Variants in ALPK3 observed in about 807,000 individuals in gnomAD.
ALPK3 encodes alpha kinase 3.
A neutral mutation model predicts 140.0 loss-of-function variants in ALPK3; 102 were observed. The ratio of observed to expected loss-of-function variants is 0.73; its 90% CI spans 0.62 to 0.86. ALPK3 has a LOEUF of 0.86. Ranked by LOEUF, ALPK3 falls within the 40% of genes least tolerant of loss-of-function variation. The pLI, the probability that ALPK3 is intolerant of heterozygous loss-of-function variation, is 0.00. For synonymous variants in ALPK3, 938 were observed against 898.5 expected (o/e 1.04, Z -0.79); for missense variants, 2,254 against 2,208.2 (o/e 1.02, Z -0.42).
chr15:84,857,373 C>T lies in ALPK3; in HGVS notation c.2635C>T (p.Pro879Ser). The T allele has an allele frequency of 1.2e-6, 2 of 1,614,110 alleles. No individual in the cohort carries two copies. Among genetic ancestry groups the T allele is most frequent in the Non-Finnish European group, 1.7e-6 (2 of 1,180,030 alleles). Reference protein sequence around the residue: ...SLPGTGLTASPKAGPCSTPTS... With the variant: ...SLPGTGLTASSKAGPCSTPTS... ...TCCTGGAACTGGGCTGACAGCTAGC[C>T]CAAAGGCGGGGCCGTGTAGCACCCC... The change falls in exon 6 of 14, where the codon CCA (proline) becomes TCA (serine). Residue 879 changes from proline (P) to serine (S), a missense_variant. This residue lies in a region of ALPK3 where 2,088 missense variants were observed against 2,022.9 expected (regional missense o/e 1.03). Transcript: ENST00000258888.
Position 84,856,666 on chromosome 15 carries a change from C to G in ALPK3, c.1928C>G (p.Ala643Gly), listed in dbSNP as rs773203708. ...GCAGATAGGAAGACGCAGGTGGATGCTGGGACACAAGAAAGCAAGAGGCCA... is the reference window on the plus strand; with the variant it reads ...GCAGATAGGAAGACGCAGGTGGATGGTGGGACACAAGAAAGCAAGAGGCCA... ...TRADRKTQVD[A>G]GTQESKRPQS... The change falls in exon 6 of 14, where the codon GCT (alanine) becomes GGT (glycine). Residue 643 changes from alanine (A) to glycine (G), a missense_variant. Ala to Gly is a moderately conservative substitution (Grantham distance 60). Coordinates refer to ENST00000258888, the MANE Select transcript of ALPK3 (RefSeq NM_020778.5). 2.5e-6 allele frequency: 4 copies of G among 1,613,974 alleles called. No homozygotes were observed. The highest frequency in any genetic ancestry group is 2.5e-6 in the Non-Finnish European group (3 of 1,179,996).
rs781735180 is a variant in ALPK3, at chr15:84,858,155, AGAG to A, written c.3421_3423del (p.Glu1141del). 4 of 1,607,892 alleles carry A rather than the reference AGAG, an allele frequency of 2.5e-6. No individual in the cohort carries two copies. Among genetic ancestry groups the A allele is most frequent in the African/African-American group, 1.3e-5 (1 of 74,536 alleles). The stretch of plus-strand genomic sequence containing the variant: ...AGAGCATAGCCCAGGAGCCCTCCCA[AGAG>A]GAGAAGTTCCCAGGGGAGGCTCTGA... On this transcript the variant is annotated inframe_deletion, in exon 6 of 14. Coordinates refer to ENST00000258888, the MANE Select transcript of ALPK3 (RefSeq NM_020778.5).
At chr15:84,827,934 A>G (rs1171411130) in intron 3 of ALPK3, among the ~76,000 whole-genome samples, 1 of 152,208 alleles carries the variant, frequency 6.6e-6, no homozygotes, top group Non-Finnish European at 1.5e-5. Context: ...CTTTGAGGCC[A>G]TCTCCCTGAG....
intron 4 of ALPK3, 64 bp downstream of exon 4, chr15:84,839,161 C>A: frequency 2.9e-6 from 4 of 1,387,668 alleles, no homozygotes; most frequent in Non-Finnish European, 3.0e-6. Context: ...TGGGGTCCTG[C>A]CCTCAGAAAT....
chr15:84,860,531 A>G (rs1487161036), intron 9 of ALPK3, among the ~76,000 whole-genome samples: 1 of 152,238 alleles, frequency 6.6e-6, no homozygotes, highest in Non-Finnish European at 1.5e-5. Flanking sequence ...CCTGGTGATC[A>G]TGAAATACCT....
At position 84,862,670 on chromosome 15, in the gene ALPK3, G is replaced by A. The variant is rs765113565; in HGVS notation, c.4165G>A (p.Ala1389Thr). 8 of 1,614,010 alleles carry A rather than the reference G, an allele frequency of 5.0e-6. No individual in the cohort carries two copies. The African/African-American group carries it at 8.0e-5, about 16-fold the overall frequency. The change falls in exon 10 of 14, where the codon GCT (alanine) becomes ACT (threonine). Residue 1389 changes from alanine (A) to threonine (T), a missense_variant. By Grantham distance (58) the Ala-to-Thr change is moderately conservative. Coordinates refer to ENST00000258888, the MANE Select transcript of ALPK3 (RefSeq NM_020778.5). ...GATTGAGATGACCCCTATGGTGTTT[G>A]CTAAGGGTCTGGCTGACTCTGGCTG... ...EEIEMTPMVF[A>T]KGLADSGCWG...
Position 84,862,910 on chromosome 15 carries a change from AT to A in ALPK3, c.4406del (p.Ile1469ThrfsTer9), listed in dbSNP as rs1963965483. 1 of 1,613,198 alleles carries A rather than the reference AT, an allele frequency of 6.2e-7. No individual in the cohort carries two copies. Among genetic ancestry groups the A allele is most frequent in the Non-Finnish European group, 8.5e-7 (1 of 1,179,328 alleles). ...TGTGGGCAGAAACTACGACGTCACC[AT>A]CCAGGTACTATGTCCCATCTTCACA... ...SLVGRNYDVTIQGCKIQNMSR... is the reference protein window; with the variant it reads ...SLVGRNYDVTXQGCKIQNMSR... On this transcript the variant is annotated frameshift_variant, in exon 10 of 14. Transcript: ENST00000258888. LOFTEE classifies it high-confidence loss of function.
At chr15:84,859,687 G>A in intron 7 of ALPK3, 89 bp from the exon 8 acceptor site, 6 of 1,471,068 alleles carry the variant, frequency 4.1e-6, no homozygotes, top group Non-Finnish European at 5.4e-6. Flanking sequence ...GGGGTTCACA[G>A]CAGCCTCTGA....
At chr15:84,835,030 A>C (rs1316158525) in intron 3 of ALPK3, among the ~76,000 whole-genome samples, 1 of 152,220 alleles carries the variant, frequency 6.6e-6, no homozygotes, top group Non-Finnish European at 1.5e-5. Flanking sequence ...CTGAGGCCCC[A>C]GCCCTGGGGC....
Position 84,840,692 on chromosome 15 carries a change from C to A in ALPK3, c.1413C>A (p.Thr471=). 3 of 1,607,686 alleles carry A rather than the reference C, an allele frequency of 1.9e-6. No homozygotes were observed. Among genetic ancestry groups the A allele is most frequent in the Middle Eastern group, 1.7e-4 (1 of 6,010 alleles). The stretch of plus-strand genomic sequence containing the variant: ...CTGGCCAGCCCACACACTCCTTGAC[C>A]CCCCAGCCGACTAGGCCTTTCAACA... The part of the protein sequence containing the change: ...GAPGQPTHSL[T]PQPTRPFNRK... Residue 471 remains threonine (T), a synonymous_variant, in exon 5 of 14, where the codon ACC becomes ACA. Coordinates refer to ENST00000258888, the MANE Select transcript of ALPK3 (RefSeq NM_020778.5).
At chr15:84,862,608 T>TCCCACATTTCTCCTGTTCC in intron 9 of ALPK3, 27 bp from the exon 10 acceptor site, 1 of 1,575,406 alleles carries the variant, frequency 6.3e-7, no homozygotes, top group Non-Finnish European at 8.6e-7. Flanking sequence ...GCTCCTGGTC[T>TCCCACATTTCTCCTGTTCC]CCCACATTTC....
chr15:84,863,510 AG>A (rs759979663), intron 10 of ALPK3, 41 bp from the exon 11 acceptor site: 2 of 1,571,582 alleles, frequency 1.3e-6, no homozygotes, highest in African/African-American at 2.7e-5. Flanking sequence ...TGGAGGACTG[AG>A]GAATTTCTTT....
chr15:84,864,457 T>G lies in ALPK3; in HGVS notation c.4515T>G (p.Tyr1505Ter). 1 of 1,614,152 alleles carries G rather than the reference T, an allele frequency of 6.2e-7. No individual in the cohort carries two copies. Among genetic ancestry groups the G allele is most frequent in the Non-Finnish European group, 8.5e-7 (1 of 1,180,012 alleles). Residue 1505 changes from tyrosine to a stop codon, truncating the protein, a stop_gained, in exon 12 of 14, where the codon TAT (tyrosine) becomes TAG (stop). Coordinates refer to ENST00000258888, the MANE Select transcript of ALPK3 (RefSeq NM_020778.5). LOFTEE classifies it high-confidence loss of function. ...FGEVPEIIPL[Y>*]LIYRPANNIP... ...CTATGTTTAGGATCATCCCACTGTA[T>G]CTGATCTACCGGCCTGCAAACAATA...
At chr15:84,850,086 G>GAAAAAA (rs11346649) in intron 5 of ALPK3, among the ~76,000 whole-genome samples, 3 of 143,208 alleles carry the variant, frequency 2.1e-5, no homozygotes, top group Non-Finnish European at 4.5e-5. Flanking sequence ...TTGACAGGGT[G>GAAAAAA]AAAAAAAAAA....
At chr15:84,863,988 G>A (rs1384958333) in intron 11 of ALPK3, among the ~76,000 whole-genome samples, 1 of 152,202 alleles carries the variant, frequency 6.6e-6, no homozygotes, top group Non-Finnish European at 1.5e-5. Flanking sequence ...CACTTCCGTG[G>A]TATGCAGGCA....
intron 1 of ALPK3, among the ~76,000 whole-genome samples, chr15:84,820,270 C>G (rs1314629752): frequency 6.6e-6 from 1 of 152,248 alleles, no homozygotes; most frequent in Admixed American, 6.5e-5. Flanking sequence ...TATGATGTTA[C>G]TACAGACAGC....
In ALPK3 at chr15:84,856,971, G is replaced by T. The variant is rs764668820; in HGVS notation, c.2233G>T (p.Ala745Ser). The change falls in exon 6 of 14, where the codon GCG (alanine) becomes TCG (serine). Residue 745 changes from alanine (A) to serine (S), a missense_variant. By Grantham distance (99) the Ala-to-Ser change is moderately conservative (BLOSUM62 1). Coordinates refer to ENST00000258888, the MANE Select transcript of ALPK3 (RefSeq NM_020778.5). ...CAGAACCCCCAAACTCCCACCTACA[G>T]CGGGTCCTAGAGCTCCTCTGAATAT... is the stretch of plus-strand genomic sequence containing the variant. ...PSRTPKLPPTAGPRAPLNIEC... is the reference protein window; with the variant it reads ...PSRTPKLPPTSGPRAPLNIEC... 2 of 1,614,142 alleles carry T rather than the reference G, an allele frequency of 1.2e-6. No homozygotes were observed.
intron 2 of ALPK3, among the ~76,000 whole-genome samples, chr15:84,824,112 G>T (rs1405793711): frequency 2.0e-5 from 3 of 152,058 alleles, no homozygotes; most frequent in African/African-American, 7.2e-5. Context: ...ATTTTTTTCT[G>T]CAGTCATTTA....
At chr15:84,853,727 G>A (rs375525970) in intron 5 of ALPK3, among the ~76,000 whole-genome samples, 79 of 151,894 alleles carry the variant, frequency 5.2e-4, no homozygotes, top group African/African-American at 1.8e-3. Context: ...CCTATAAATA[G>A]CCACTGCATG....
Sources: gnomAD v4.1 joint callset for allele counts (sites outside exome capture counted in the v4.1 genomes callset) on GRCh38, gnomAD v4.1.1 for gene constraint, gnomAD v4.1.1 regional missense constraint, MANE v1.5 for transcripts, NCBI Gene and HGNC (gene_info 2026-07-23, HGNC 2026-07-21) for gene names.